The following FBXO36 variants were observed in gnomAD, a reference collection of about 807,000 sequenced individuals.
The protein encoded by FBXO36 is F-box only protein 36.
In FBXO36, 18 loss-of-function variants were observed where a neutral mutation model predicts 17.0. The observed-to-expected ratio is 1.06, with a 90% CI of 0.73 to 1.57. The LOEUF (loss-of-function observed/expected upper bound fraction) is 1.57. Ranked by LOEUF, FBXO36 falls within the 40% of genes most tolerant of loss-of-function variation. FBXO36 has a pLI of 0.00. For synonymous variants in FBXO36, 83 were observed against 85.3 expected, an observed-to-expected ratio of 0.97 and a Z score of 0.15; for missense variants, 229 against 221.9, an observed-to-expected ratio of 1.03 and a Z score of -0.20.
chr2:229,940,813 G>A (rs1426551280), intron 1 of FBXO36, among the ~76,000 whole-genome samples: 1 of 152,134 alleles, frequency 6.6e-6, no homozygotes, highest in African/African-American at 2.4e-5. Flanking sequence ...CGCGATTTTG[G>A]ACTTCTATCC....
chr2:229,965,200 G>A (rs998166337), intron 1 of FBXO36, among the ~76,000 whole-genome samples: 7 of 130,746 alleles, frequency 5.4e-5, no homozygotes, highest in South Asian at 2.4e-4. Flanking sequence ...GCCCAGGCTC[G>A]TCTCAAACAC....
At chr2:229,959,803 C>A (rs1406185907) in intron 1 of FBXO36, among the ~76,000 whole-genome samples, 4 of 151,746 alleles carry the variant, frequency 2.6e-5, no homozygotes, top group African/African-American at 7.3e-5. Flanking sequence ...CCAAGATCGT[C>A]CCACTGCACT....
intron 1 of FBXO36, among the ~76,000 whole-genome samples, chr2:229,952,501 A>G (rs1042820614): frequency 6.6e-6 from 1 of 152,202 alleles, no homozygotes; most frequent in African/African-American, 2.4e-5. Context: ...CCCATGAGGC[A>G]TCCTCAGCTT....
At chr2:230,004,028 T>C (rs1037669875) in intron 3 of FBXO36, among the ~76,000 whole-genome samples, 7 of 151,570 alleles carry the variant, frequency 4.6e-5, no homozygotes, top group Non-Finnish European at 4.4e-5. Context: ...AGGTCCACAG[T>C]CGTAGCCAGC....
At chr2:229,947,365 T>A (rs962952365) in intron 1 of FBXO36, among the ~76,000 whole-genome samples, 1 of 152,160 alleles carries the variant, frequency 6.6e-6, no homozygotes, top group Non-Finnish European at 1.5e-5. Flanking sequence ...CAGTGAATTG[T>A]GATACTATAG....
intron 2 of FBXO36, among the ~76,000 whole-genome samples, chr2:229,993,996 T>C (rs2077312107): frequency 6.6e-6 from 1 of 151,930 alleles, no homozygotes; most frequent in African/African-American, 2.4e-5. Context: ...TTGGTCTCGA[T>C]CTCCTGACCT....
At chr2:229,933,044 G>A (rs1356075117) in intron 1 of FBXO36, among the ~76,000 whole-genome samples, 1 of 152,150 alleles carries the variant, frequency 6.6e-6, no homozygotes, top group African/African-American at 2.4e-5. Flanking sequence ...TCCAGCCTGG[G>A]TGGGCAACAG....
intron 2 of FBXO36, among the ~76,000 whole-genome samples, chr2:229,994,544 C>T (rs1451678450): frequency 2.6e-5 from 4 of 152,208 alleles, no homozygotes; most frequent in Non-Finnish European, 4.4e-5. Flanking sequence ...ATCACAGTTC[C>T]GCCTGCTTCT....
chr2:229,979,225 T>C (rs1484316164), intron 2 of FBXO36, among the ~76,000 whole-genome samples: 1 of 150,664 alleles, frequency 6.6e-6, no homozygotes, highest in East Asian at 1.9e-4. Context: ...AGGCCAGGTG[T>C]GGTGGTTCAC....
At chr2:229,928,741 A>C (rs1345127207) in intron 1 of FBXO36, among the ~76,000 whole-genome samples, 1 of 152,184 alleles carries the variant, frequency 6.6e-6, no homozygotes, top group Non-Finnish European at 1.5e-5. Context: ...TTTTCCTTGC[A>C]AAATTTTAAG....
intron 3 of FBXO36, among the ~76,000 whole-genome samples, chr2:230,002,374 G>A (rs923506576): frequency 2.7e-5 from 4 of 149,932 alleles, no homozygotes; most frequent in Admixed American, 6.7e-5. Context: ...TTTCCCCCCC[G>A]TACGTTAATT....
chr2:229,990,874 C>T (rs1400204507), intron 2 of FBXO36, among the ~76,000 whole-genome samples: 2 of 152,028 alleles, frequency 1.3e-5, no homozygotes, highest in African/African-American at 4.8e-5. Flanking sequence ...TTAAGGTTTC[C>T]TTTTCTTAAT....
At chr2:230,009,792 A>G (rs13035433) in intron 3 of FBXO36, among the ~76,000 whole-genome samples, 35,167 of 151,992 alleles carry the variant, frequency 0.23, 5,092 homozygotes, top group Middle Eastern at 0.37. Context: ...AAAAAAATAC[A>G]AAAATTAGCC....
At chr2:229,982,274 C>A (rs904951712) in intron 2 of FBXO36, among the ~76,000 whole-genome samples, 11 of 152,030 alleles carry the variant, frequency 7.2e-5, no homozygotes, top group African/African-American at 2.7e-4. Context: ...AATCTGCCTG[C>A]CTTGGCCTCC....
intron 1 of FBXO36, among the ~76,000 whole-genome samples, chr2:229,936,559 G>A (rs1041511721): frequency 2.6e-5 from 4 of 152,064 alleles, no homozygotes; most frequent in African/African-American, 7.2e-5. Context: ...GAGAACAAAG[G>A]AACTACTGTG....
chr2:229,967,595 T>C (rs2077160014), intron 1 of FBXO36, among the ~76,000 whole-genome samples: 1 of 152,234 alleles, frequency 6.6e-6, no homozygotes, highest in South Asian at 2.1e-4. Context: ...GAAGGGCTGT[T>C]GAATTTCATC....
chr2:229,987,323 G>C (rs1026604430), intron 2 of FBXO36, among the ~76,000 whole-genome samples: 1 of 151,308 alleles, frequency 6.6e-6, no homozygotes, highest in Non-Finnish European at 1.5e-5. Flanking sequence ...GTTGTAATCT[G>C]TTCATAATAT....
At chr2:229,971,736 T>G (rs1348216079) in intron 1 of FBXO36, among the ~76,000 whole-genome samples, 1 of 152,092 alleles carries the variant, frequency 6.6e-6, no homozygotes, top group East Asian at 1.9e-4. Context: ...TCACCCATGC[T>G]AGAGTGCAGT....
At chr2:230,006,101 T>G (rs940192920) in intron 3 of FBXO36, among the ~76,000 whole-genome samples, 5 of 148,090 alleles carry the variant, frequency 3.4e-5, no homozygotes, top group African/African-American at 1.3e-4. Context: ...TTTATTTTAT[T>G]TTAGTTTTTT....
Sources: allele counts gnomAD v4.1 joint callset (sites outside exome capture counted in the v4.1 genomes callset), GRCh38; gene constraint gnomAD v4.1.1; transcripts MANE v1.5; gene names NCBI Gene and HGNC (gene_info 2026-07-23, HGNC 2026-07-21).